RGMB: variants seen among roughly 807,000 people sequenced by gnomAD.
RGMB encodes repulsive guidance molecule B.
In RGMB, 16 loss-of-function variants were observed where a neutral mutation model predicts 26.9. That is an observed-to-expected ratio of 0.60 (90% CI 0.40 to 0.90). RGMB has a LOEUF of 0.90. RGMB is among the 40% of genes least tolerant of loss of function. The pLI is 0.00. For synonymous variants in RGMB, 225 were observed against 229.3 expected (o/e 0.98, Z 0.17); for missense variants, 512 against 573.3 (o/e 0.89, Z 1.09).
chr5:98,786,501 T>A (rs1215794866), intron 2 of RGMB, among the ~76,000 whole-genome samples: 1 of 152,236 alleles, frequency 6.6e-6, no homozygotes, highest in African/African-American at 2.4e-5. Context: ...AAGCATTGGA[T>A]GTTTGGTCCT....
intron 2 of RGMB, among the ~76,000 whole-genome samples, chr5:98,789,650 A>G (rs924339194): frequency 1.3e-5 from 2 of 152,196 alleles, no homozygotes; most frequent in African/African-American, 2.4e-5. Flanking sequence ...AGAGTGAAAC[A>G]TTAAAAATGA....
chr5:98,773,983 C>A lies in RGMB; in HGVS notation c.-88C>A. The A allele has an allele frequency of 1.6e-6, 1 of 629,622 alleles. No individual in the cohort carries two copies. Among genetic ancestry groups the A allele is most frequent in the Non-Finnish European group, 2.9e-6 (1 of 349,468 alleles). The allele number at this position is 629,622 out of a possible 1,614,324, so 39.0% of individuals were successfully genotyped here. A position where few individuals can be genotyped will look rare whatever the true frequency, so the allele number is the denominator to read the frequency against. On this transcript the variant is annotated 5_prime_UTR_variant, in exon 1 of 3. Transcript: ENST00000513185. ...AGAAGAGGAAGCGAAGCGCGCCCCCCGGCCCATGCCGCAGCCACGGGCCCA... is the reference window on the plus strand; with the variant it reads ...AGAAGAGGAAGCGAAGCGCGCCCCCAGGCCCATGCCGCAGCCACGGGCCCA...
rs760051253 is a variant in RGMB at position 98,774,028 on chromosome 5, G to A, written c.-43G>A. 1.0e-5 allele frequency: 7 copies of A among 703,034 alleles called. No individual in the cohort carries two copies. The highest frequency in any genetic ancestry group is 1.2e-5 in the Non-Finnish European group (5 of 417,804). 43.5% of individuals were successfully genotyped at this position (703,034 alleles called of 1,614,324 possible). ...GGCCCAGACCCGCCACGGCGCCCGC[G>A]CCGCCGCCCTCGCCGGAGCCCACGA... On this transcript the variant is annotated 5_prime_UTR_variant, in exon 1 of 3. Coordinates refer to ENST00000513185, the MANE Select transcript of RGMB (RefSeq NM_001366508.1).
chr5:98,796,205 A>ACC lies in RGMB; in HGVS notation c.*2452_*2453insCC, dbSNP rs1485927204. 1 of 152,188 alleles carries ACC rather than the reference A, an allele frequency of 6.6e-6. No individual in the cohort carries two copies. The highest frequency in any genetic ancestry group is 1.5e-5 in the Non-Finnish European group (1 of 68,014). The allele number at this position is 152,188 out of a possible 1,614,324, so 9.4% of individuals were successfully genotyped here. On this transcript the variant is annotated 3_prime_UTR_variant, in exon 3 of 3. Coordinates refer to ENST00000513185, the MANE Select transcript of RGMB (RefSeq NM_001366508.1). Reference sequence around the variant, plus strand: ...TTTCAGGTCATACCAACATGTGGATAGGCTATAGCTGTTCAGAGGTCTCCT... The same window carrying ACC: ...TTTCAGGTCATACCAACATGTGGATACCGGCTATAGCTGTTCAGAGGTCTCCT...
chr5:98,771,903 CT>C (rs1797436778), upstream of RGMB: 1 of 151,370 alleles, frequency 6.6e-6, no homozygotes, highest in South Asian at 2.1e-4. Flanking sequence ...AAGTGAGATG[CT>C]GCTTTTATAG....
At chr5:98,777,851 C>G (rs1035554124) in intron 1 of RGMB, among the ~76,000 whole-genome samples, 1 of 152,058 alleles carries the variant, frequency 6.6e-6, no homozygotes, top group African/African-American at 2.4e-5. Flanking sequence ...TTGATGATTG[C>G]TGTAAATCCA....
chr5:98,777,686 G>T (rs1038871858), intron 1 of RGMB, among the ~76,000 whole-genome samples: 1 of 152,146 alleles, frequency 6.6e-6, no homozygotes, highest in African/African-American at 2.4e-5. Flanking sequence ...GGTTTGATTT[G>T]AGTTCTAGTG....
rs1197336204 is a variant in RGMB at position 98,773,911 on chromosome 5, C to G, written c.-160C>G. ...GGCTGCGCCGGCTGCGCGCTGCTTG[C>G]TGCGGCGGTGGTGGCGCCCCATCTG... On this transcript the variant is annotated 5_prime_UTR_variant, in exon 1 of 3. Transcript: ENST00000513185. 1 of 542,180 alleles carries G rather than the reference C, an allele frequency of 1.8e-6. No homozygotes were observed. The highest frequency in any genetic ancestry group is 2.5e-5 in the South Asian group (1 of 40,710). 33.6% of individuals were successfully genotyped at this position (542,180 alleles called of 1,614,324 possible). A position where few individuals can be genotyped will look rare whatever the true frequency, so the allele number is the denominator to read the frequency against.
At chr5:98,780,833 CAG>C (rs1031865153) in intron 2 of RGMB, 1 of 152,090 alleles carries the variant, frequency 6.6e-6, no homozygotes, top group African/African-American at 2.4e-5. Context: ...TTCAAGGCAC[CAG>C]TGTTTAGTGC....
rs530649308 is a variant in RGMB at position 98,783,525 on chromosome 5, A to T, written c.645+3437A>T. ...AGTTGTCCTGTGCCTCACACACTCA[A>T]GATAAACCAGATGATCTGTTTTGAG... On this transcript the variant is annotated intron_variant, in intron 2 of 2. Coordinates refer to ENST00000513185, the MANE Select transcript of RGMB (RefSeq NM_001366508.1). Among the ~76,000 whole-genome samples, 55 of 152,316 alleles carry T rather than the reference A, an allele frequency of 3.6e-4. No homozygotes were observed. The South Asian group carries it at 5.4e-3, about 15-fold the overall frequency.
Position 98,779,877 on chromosome 5 carries a change from C to A in RGMB, c.434C>A (p.Ala145Asp), listed in dbSNP as rs374785707. The change falls in exon 2 of 3, where the codon GCT becomes GAT. Residue 145 changes from alanine (A) to aspartate (D), a missense_variant. Transcript: ENST00000513185. ...THDPCNYHSH[A>D]GAREHRRGDQ... is the part of the protein sequence containing the mutation. ...GATCCTTGCAACTATCACAGCCACGCTGGAGCCAGGGAACACAGGAGAGGG... is the reference window on the plus strand; with the variant it reads ...GATCCTTGCAACTATCACAGCCACGATGGAGCCAGGGAACACAGGAGAGGG... The A allele has an allele frequency of 3.7e-6, 6 of 1,613,894 alleles. No homozygotes were observed. In the African/African-American group the frequency reaches 8.0e-5, roughly 22 times the overall value.
At chr5:98,771,312 C>T (rs1746154263), upstream of RGMB, 1 of 152,114 alleles carries the variant, frequency 6.6e-6, no homozygotes, top group Admixed American at 6.5e-5. Context: ...TATAAGTCAC[C>T]GATTTTTTTG....
chr5:98,770,721 C>A, upstream of RGMB: 3 of 1,206,448 alleles, frequency 2.5e-6, no homozygotes, highest in South Asian at 1.9e-5. Flanking sequence ...GGCCCTCTTC[C>A]AAGTTGTACT....
At chr5:98,784,454 G>GT (rs1411708134) in intron 2 of RGMB, among the ~76,000 whole-genome samples, 1 of 152,148 alleles carries the variant, frequency 6.6e-6, no homozygotes, top group African/African-American at 2.4e-5. Flanking sequence ...GTTTTCCATT[G>GT]TAAGAAACAC....
chr5:98,790,952 GAATC>G (rs1746910550), intron 2 of RGMB, among the ~76,000 whole-genome samples: 1 of 151,838 alleles, frequency 6.6e-6, no homozygotes, highest in Admixed American at 6.6e-5. Context: ...AAATTTTCTT[GAATC>G]AATCTTTTCA....
At chr5:98,781,394 T>C (rs1746601015) in intron 2 of RGMB, among the ~76,000 whole-genome samples, 1 of 152,342 alleles carries the variant, frequency 6.6e-6, no homozygotes, top group South Asian at 2.1e-4. Context: ...TATCTCAAAA[T>C]AAACTTTTCT....
upstream of RGMB, chr5:98,770,087 G>T: frequency 6.5e-6 from 1 of 152,680 alleles, no homozygotes. Flanking sequence ...GCGTCTTCTG[G>T]AGTGGAGTTC....
Position 98,779,892 on chromosome 5 carries a change from A to G in RGMB, c.449A>G (p.His150Arg). ...CACAGCCACGCTGGAGCCAGGGAACACAGGAGAGGGGACCAGAACCCTCCC... is the reference window on the plus strand; with the variant it reads ...CACAGCCACGCTGGAGCCAGGGAACGCAGGAGAGGGGACCAGAACCCTCCC... Reference protein sequence around the residue: ...NYHSHAGAREHRRGDQNPPSY... With the variant: ...NYHSHAGARERRRGDQNPPSY... The change falls in exon 2 of 3, where the codon CAC becomes CGC. Residue 150 changes from histidine (H) to arginine (R), a missense_variant. His to Arg is a conservative substitution (Grantham distance 29). Transcript: ENST00000513185. 1 of 1,614,012 alleles carries G rather than the reference A, an allele frequency of 6.2e-7. No homozygotes were observed. Among genetic ancestry groups the G allele is most frequent in the Non-Finnish European group, 8.5e-7 (1 of 1,179,888 alleles).
At chr5:98,780,201 T>G in intron 2 of RGMB, 113 bp downstream of exon 2, 1 of 925,748 alleles carries the variant, frequency 1.1e-6, no homozygotes, top group South Asian at 1.8e-5. Context: ...GAACTTCTTT[T>G]GAAAAGCAAT....
Sources: gnomAD v4.1 joint callset for allele counts (sites outside exome capture counted in the v4.1 genomes callset) on GRCh38, gnomAD v4.1.1 for gene constraint, MANE v1.5 for transcripts, NCBI Gene and HGNC (gene_info 2026-07-23, HGNC 2026-07-21) for gene names.